Variants in ALK observed in about 807,000 individuals in gnomAD.
ALK encodes the protein ALK receptor tyrosine kinase.
In ALK, 74 loss-of-function variants were observed where a neutral mutation model predicts 163.1. That is an observed-to-expected ratio of 0.45 (90% CI 0.38 to 0.55). The LOEUF is 0.55. ALK is among the 20% of genes least tolerant of loss of function. ALK has a pLI of 0.00. For synonymous variants in ALK, 960 were observed against 843.2 expected (o/e 1.14, Z -2.40); for missense variants, 2,063 against 2,105.3 (o/e 0.98, Z 0.39).
intron 3 of ALK, among the ~76,000 whole-genome samples, chr2:29,621,334 C>T (rs72862860): frequency 0.032 from 4,898 of 152,076 alleles, 164 homozygotes; most frequent in African/African-American, 0.077. Context: ...TATCTGTTTT[C>T]TTCCTTTCTA....
Position 29,209,770 on chromosome 2 carries a change from G to T in ALK, c.3836+16C>A, listed in dbSNP as rs2148154954. On this transcript the variant is annotated intron_variant, in intron 25 of 28. Coordinates refer to ENST00000389048, the MANE Select transcript of ALK (RefSeq NM_004304.5). ...GGAAGAGACAGGCCCGGAGGGGTGAGGCAGTCTTTACTCACCTGTAGATGT... is the reference window on the plus strand; with the variant it reads ...GGAAGAGACAGGCCCGGAGGGGTGATGCAGTCTTTACTCACCTGTAGATGT... 4 of 1,604,922 alleles carry T rather than the reference G, an allele frequency of 2.5e-6. No individual in the cohort carries two copies. Among genetic ancestry groups the T allele is most frequent in the Non-Finnish European group, 2.6e-6 (3 of 1,171,808 alleles).
intron 1 of ALK, among the ~76,000 whole-genome samples, chr2:29,854,219 G>A (rs1320918194): frequency 6.7e-6 from 1 of 149,974 alleles, no homozygotes; most frequent in Non-Finnish European, 1.5e-5. Flanking sequence ...ATTTGTATAT[G>A]GATTAATATA....
chr2:29,576,090 G>A (rs991993565), intron 3 of ALK, among the ~76,000 whole-genome samples: 2 of 152,174 alleles, frequency 1.3e-5, no homozygotes, highest in African/African-American at 4.8e-5. Context: ...GGTGCACGGG[G>A]TGCAGTCAGG....
intron 1 of ALK, among the ~76,000 whole-genome samples, chr2:29,730,740 G>A (rs183430108): frequency 2.6e-4 from 39 of 152,282 alleles, no homozygotes; most frequent in Admixed American, 2.1e-3. Flanking sequence ...GCAGTGAAAG[G>A]CAACTGGCCC....
At chr2:29,842,935 T>A (rs926384805) in intron 1 of ALK, among the ~76,000 whole-genome samples, 1 of 152,082 alleles carries the variant, frequency 6.6e-6, no homozygotes, top group African/African-American at 2.4e-5. Flanking sequence ...GAAGTGGAGG[T>A]TGGAGCAAAT....
At chr2:29,262,409 C>G (rs1426275411) in intron 11 of ALK, among the ~76,000 whole-genome samples, 1 of 152,182 alleles carries the variant, frequency 6.6e-6, no homozygotes, top group African/African-American at 2.4e-5. Context: ...CCTGTGAGCG[C>G]CTGCCCATGT....
At chr2:29,437,026 G>A (rs1670418384) in intron 4 of ALK, among the ~76,000 whole-genome samples, 1 of 152,176 alleles carries the variant, frequency 6.6e-6, no homozygotes, top group South Asian at 2.1e-4. Context: ...TGCCCTTTAA[G>A]GGAATCAAAT....
chr2:29,762,668 C>T (rs761104397), intron 1 of ALK, among the ~76,000 whole-genome samples: 2 of 152,118 alleles, frequency 1.3e-5, no homozygotes, highest in Non-Finnish European at 2.9e-5. Context: ...AACTACAGAA[C>T]AGAAGAGGAA....
chr2:29,328,198 T>C, intron 6 of ALK, 152 bp downstream of exon 6: 1 of 1,103,254 alleles, frequency 9.1e-7, no homozygotes, highest in Non-Finnish European at 1.3e-6. Context: ...GCTCTGCCTC[T>C]TGAAGACTGT....
chr2:29,818,053 C>T (rs563762785), intron 1 of ALK, among the ~76,000 whole-genome samples: 1 of 152,330 alleles, frequency 6.6e-6, no homozygotes, highest in Non-Finnish European at 1.5e-5. Flanking sequence ...AAGTGCATTA[C>T]AGATACCCTC....
At chr2:29,464,904 C>A (rs910130457) in intron 4 of ALK, among the ~76,000 whole-genome samples, 2 of 151,974 alleles carry the variant, frequency 1.3e-5, no homozygotes, top group African/African-American at 2.4e-5. Context: ...AGAAACCATC[C>A]AAAATGAAGC....
At chr2:29,216,702 GTGTGGTGGATGTC>G (rs1558618864) in intron 23 of ALK, among the ~76,000 whole-genome samples, 1 of 151,676 alleles carries the variant, frequency 6.6e-6, no homozygotes. Context: ...TGTATGGTGT[GTGTGGTGGATGTC>G]TGTGGTGTGT....
chr2:29,262,579 C>T (rs949034611), intron 11 of ALK, among the ~76,000 whole-genome samples: 1 of 152,252 alleles, frequency 6.6e-6, no homozygotes. Context: ...TTTACTGTTA[C>T]ACTGTTGTTT....
intron 11 of ALK, among the ~76,000 whole-genome samples, chr2:29,251,647 G>A (rs1174055219): frequency 4.6e-5 from 7 of 152,218 alleles, no homozygotes; most frequent in African/African-American, 1.7e-4. Context: ...TGGGACAGGC[G>A]TAGGCAGTAG....
intron 11 of ALK, among the ~76,000 whole-genome samples, chr2:29,262,228 G>A (rs114150938): frequency 0.012 from 1,752 of 151,818 alleles, 40 homozygotes; most frequent in African/African-American, 0.04. Flanking sequence ...AAGTGAGGAG[G>A]GGCACATCAC....
chr2:29,426,265 A>T (rs1323304524), intron 4 of ALK, among the ~76,000 whole-genome samples: 1 of 152,148 alleles, frequency 6.6e-6, no homozygotes, highest in Non-Finnish European at 1.5e-5. Flanking sequence ...GACTACACTA[A>T]AGCCAAATAA....
chr2:29,587,675 A>G (rs1305691172), intron 3 of ALK, among the ~76,000 whole-genome samples: 1 of 152,202 alleles, frequency 6.6e-6, no homozygotes, highest in Non-Finnish European at 1.5e-5. Flanking sequence ...TTCGATCCTG[A>G]TCTCCCATAC....
At chr2:29,884,417 G>T (rs1340285734) in intron 1 of ALK, among the ~76,000 whole-genome samples, 5 of 152,082 alleles carry the variant, frequency 3.3e-5, no homozygotes, top group Admixed American at 3.3e-4. Context: ...GAGGTCTGCA[G>T]CTGCCAGCCA....
chr2:29,586,283 C>T lies in ALK; in HGVS notation c.953-54167G>A, dbSNP rs138177532. On this transcript the variant is annotated intron_variant, in intron 3 of 28. Transcript: ENST00000389048. The stretch of plus-strand genomic sequence containing the variant: ...GAGGCTTTCATACATATATTAAATA[C>T]GATGACTATTTTCTTATGTATTTAT... 2.3e-3 allele frequency among the ~76,000 whole-genome samples: 349 copies of T among 151,352 alleles called. 3 individuals carry two copies. The highest frequency in any genetic ancestry group is 7.4e-3 in the African/African-American group (303 of 41,188).
Sources: gnomAD v4.1 joint callset for allele counts (sites outside exome capture counted in the v4.1 genomes callset) on GRCh38, gnomAD v4.1.1 for gene constraint, MANE v1.5 for transcripts, NCBI Gene and HGNC (gene_info 2026-07-23, HGNC 2026-07-21) for gene names.